Variants in DCDC2 observed in about 807,000 individuals in gnomAD.
DCDC2 encodes the protein doublecortin domain-containing protein 2.
A neutral mutation model predicts 50.2 loss-of-function variants in DCDC2; 40 were observed. That is an observed-to-expected ratio of 0.80 (90% confidence interval 0.62 to 1.04). The LOEUF (loss-of-function observed/expected upper bound fraction) is 1.04. Among genes scored for constraint, DCDC2 ranks in the 50% least tolerant of loss-of-function variants. DCDC2 has a pLI of 0.00. For missense variants in DCDC2, 570 were observed against 581.9 expected (o/e 0.98, Z 0.21); for synonymous variants, 234 against 210.6 (o/e 1.11, Z -0.96).
chr6:24,184,020 A>G (rs1025884631), intron 8 of DCDC2, among the ~76,000 whole-genome samples: 1 of 152,200 alleles, frequency 6.6e-6, no homozygotes, highest in Non-Finnish European at 1.5e-5. Context: ...CAACTCTCAC[A>G]ATAGCCCTAT....
At chr6:24,216,074 T>C (rs1761969199) in intron 7 of DCDC2, among the ~76,000 whole-genome samples, 1 of 152,080 alleles carries the variant, frequency 6.6e-6, no homozygotes, top group Non-Finnish European at 1.5e-5. Flanking sequence ...ATATATTGGT[T>C]TGGGCCTCCT....
At chr6:24,330,488 A>G (rs1759946528) in intron 2 of DCDC2, among the ~76,000 whole-genome samples, 1 of 152,246 alleles carries the variant, frequency 6.6e-6, no homozygotes, top group Admixed American at 6.5e-5. Flanking sequence ...TAGCTTCAAA[A>G]GGAGAAGGAA....
At chr6:24,191,078 A>C (rs975326999) in intron 8 of DCDC2, among the ~76,000 whole-genome samples, 2 of 152,202 alleles carry the variant, frequency 1.3e-5, no homozygotes, top group Non-Finnish European at 2.9e-5. Flanking sequence ...CAATGGCAAA[A>C]TAAGAAGCTT....
In DCDC2 at chr6:24,279,507, T is replaced by C. The variant is rs369769756; in HGVS notation, c.760-1296A>G. Among the ~76,000 whole-genome samples, 10 of 152,216 alleles carry C rather than the reference T, an allele frequency of 6.6e-5. 1 individual carries two copies. The highest frequency in any genetic ancestry group is 2.4e-4 in the African/African-American group (10 of 41,536). ...GACACAGGAGGATCACTTGAACCCA[T>C]GAGTTTGAGATTGCAGTGTGCTGTG... On this transcript the variant is annotated intron_variant, in intron 6 of 9. Coordinates refer to ENST00000378454, the MANE Select transcript of DCDC2 (RefSeq NM_016356.5).
intron 2 of DCDC2, among the ~76,000 whole-genome samples, chr6:24,352,518 C>G (rs933550099): frequency 2.0e-5 from 3 of 152,110 alleles, no homozygotes; most frequent in Non-Finnish European, 4.4e-5. Flanking sequence ...AAATACAAGC[C>G]AAAATATTAA....
chr6:24,267,398 G>A (rs910834983), intron 7 of DCDC2, among the ~76,000 whole-genome samples: 3 of 152,036 alleles, frequency 2.0e-5, no homozygotes, highest in African/African-American at 7.2e-5. Flanking sequence ...TGCCTGTATC[G>A]AAATATCTCA....
chr6:24,230,255 A>G (rs1762311389), intron 7 of DCDC2, among the ~76,000 whole-genome samples: 1 of 152,196 alleles, frequency 6.6e-6, no homozygotes, highest in South Asian at 2.1e-4. Flanking sequence ...GAGAGTGACA[A>G]GGAACAGGAT....
At chr6:24,305,797 G>C (rs193223407) in intron 2 of DCDC2, among the ~76,000 whole-genome samples, 3 of 149,740 alleles carry the variant, frequency 2.0e-5, no homozygotes, top group African/African-American at 7.6e-5. Context: ...GAGGCCAAGG[G>C]GGGGTGGATC....
intron 8 of DCDC2, among the ~76,000 whole-genome samples, chr6:24,195,938 G>T (rs996919236): frequency 1.3e-5 from 2 of 152,158 alleles, no homozygotes; most frequent in African/African-American, 4.8e-5. Flanking sequence ...AACTTAATCT[G>T]CTTCTCAAGA....
chr6:24,294,782 T>A (rs2113833425), intron 4 of DCDC2, among the ~76,000 whole-genome samples: 1 of 152,222 alleles, frequency 6.6e-6, no homozygotes, highest in South Asian at 2.1e-4. Context: ...AGAAATTTAT[T>A]CCCTGAATAA....
chr6:24,277,975 G>T, intron 7 of DCDC2, 74 bp downstream of exon 7: 1 of 1,224,392 alleles, frequency 8.2e-7, no homozygotes, highest in Non-Finnish European at 1.1e-6. Context: ...ATCTTCTGTG[G>T]GCCCAGAGAA....
At chr6:24,198,369 G>C (rs896643971) in intron 8 of DCDC2, among the ~76,000 whole-genome samples, 15 of 152,152 alleles carry the variant, frequency 9.9e-5, no homozygotes, top group Admixed American at 2.0e-4. Context: ...GAAGCAGGGT[G>C]GGGGGCACTG....
chr6:24,282,684 T>A (rs1763504116), intron 6 of DCDC2, among the ~76,000 whole-genome samples: 1 of 151,540 alleles, frequency 6.6e-6, no homozygotes, highest in East Asian at 1.9e-4. Flanking sequence ...AAACATCAAA[T>A]TTAAAATAAT....
chr6:24,324,228 G>T (rs553092929), intron 2 of DCDC2, among the ~76,000 whole-genome samples: 9 of 152,246 alleles, frequency 5.9e-5, no homozygotes, highest in Admixed American at 2.6e-4. Context: ...CTCAAAAAAT[G>T]TAAGAAGCTC....
intron 8 of DCDC2, among the ~76,000 whole-genome samples, chr6:24,203,936 C>T (rs573604281): frequency 2.6e-5 from 4 of 152,054 alleles, no homozygotes; most frequent in Admixed American, 6.6e-5. Context: ...AACTACAATG[C>T]GATACCATCT....
At chr6:24,217,727 T>G (rs186588953) in intron 7 of DCDC2, among the ~76,000 whole-genome samples, 1 of 152,310 alleles carries the variant, frequency 6.6e-6, no homozygotes, top group East Asian at 1.9e-4. Flanking sequence ...ATCTCTTGAA[T>G]CTTAGCATTT....
At chr6:24,225,093 C>A (rs913202049) in intron 7 of DCDC2, among the ~76,000 whole-genome samples, 8 of 152,140 alleles carry the variant, frequency 5.3e-5, no homozygotes, top group African/African-American at 1.9e-4. Context: ...TAAGTCTACT[C>A]CCAAGTCCCC....
chr6:24,216,092 A>G (rs1318353192), intron 7 of DCDC2, among the ~76,000 whole-genome samples: 1 of 152,182 alleles, frequency 6.6e-6, no homozygotes, highest in African/African-American at 2.4e-5. Flanking sequence ...CCTGTTAAGC[A>G]TACTGATAGA....
intron 2 of DCDC2, among the ~76,000 whole-genome samples, chr6:24,337,139 A>C (rs987330681): frequency 6.6e-6 from 1 of 152,228 alleles, no homozygotes; most frequent in Non-Finnish European, 1.5e-5. Flanking sequence ...ACAGCTAAAG[A>C]AACCAAATGG....
Sources: allele counts gnomAD v4.1 joint callset (sites outside exome capture counted in the v4.1 genomes callset), GRCh38; gene constraint gnomAD v4.1.1; transcripts MANE v1.5; gene names NCBI Gene and HGNC (gene_info 2026-07-23, HGNC 2026-07-21).